The following PJA2 variants were observed in gnomAD, a reference collection of about 807,000 sequenced individuals.
PJA2 encodes praja ring finger ubiquitin ligase 2.
Under a neutral mutation model 69.3 loss-of-function variants are expected in PJA2, and 25 were observed. The ratio of observed to expected loss-of-function variants is 0.36; its 90% CI spans 0.26 to 0.50. The LOEUF (loss-of-function observed/expected upper bound fraction) is 0.50, where lower values mean the gene tolerates loss of function less well. Among genes scored for constraint, PJA2 ranks in the 20% least tolerant of loss-of-function variants. PJA2 has a pLI of 0.96. For synonymous variants in PJA2, 308 were observed against 277.8 expected (o/e 1.11, Z -1.08); for missense variants, 809 against 830.2 (o/e 0.97, Z 0.31).
rs6894806 is a variant in PJA2, at chr5:109,403,338, T to G, written c.-88+6504A>C. Among the ~76,000 whole-genome samples the G allele has an allele frequency of 7.0e-3, 1,058 of 152,192 alleles. 12 individuals are homozygous for G. The highest frequency in any genetic ancestry group is 0.024 in the African/African-American group (1,000 of 41,558). On this transcript the variant is annotated intron_variant, in intron 1 of 9. Transcript: ENST00000361189. The stretch of plus-strand genomic sequence containing the variant: ...GCTTTCAAGAAGAAATAGATAACCC[T>G]AATAATCCTGTATTTATTAAAGGAT...
intron 5 of PJA2, among the ~76,000 whole-genome samples, chr5:109,366,701 G>A (rs1417111676): frequency 1.3e-5 from 2 of 152,022 alleles, no homozygotes; most frequent in Non-Finnish European, 2.9e-5. Flanking sequence ...CTGATATAAC[G>A]CCAATATCCA....
intron 1 of PJA2, 85 bp from the exon 2 acceptor site, chr5:109,383,605 C>G (rs1025123069): frequency 3.9e-6 from 2 of 507,358 alleles, no homozygotes; most frequent in African/African-American, 3.9e-5. Flanking sequence ...CTAGTGAAGT[C>G]TTATAATAAA....
At chr5:109,401,948 A>C (rs916242004) in intron 1 of PJA2, among the ~76,000 whole-genome samples, 1 of 152,236 alleles carries the variant, frequency 6.6e-6, no homozygotes, top group African/African-American at 2.4e-5. Context: ...AAACAGTAAT[A>C]GCACAAAAGA....
intron 9 of PJA2, among the ~76,000 whole-genome samples, chr5:109,339,961 T>G (rs2126983361): frequency 6.6e-6 from 1 of 152,322 alleles, no homozygotes; most frequent in South Asian, 2.1e-4. Context: ...AGGAAAGCAG[T>G]ATTTTAAAAC....
At chr5:109,392,454 G>A (rs1561362875) in intron 1 of PJA2, among the ~76,000 whole-genome samples, 3 of 151,724 alleles carry the variant, frequency 2.0e-5, no homozygotes, top group Non-Finnish European at 4.4e-5. Context: ...CCAGCTACTC[G>A]GGAGGCTGAG....
At chr5:109,372,042 A>AT (rs1180000241) in intron 4 of PJA2, among the ~76,000 whole-genome samples, 1 of 152,138 alleles carries the variant, frequency 6.6e-6, no homozygotes, top group Non-Finnish European at 1.5e-5. Flanking sequence ...TTTTTTTAAC[A>AT]TTTTTTTAAA....
chr5:109,353,617 A>G (rs1762323210), intron 7 of PJA2, among the ~76,000 whole-genome samples: 1 of 144,662 alleles, frequency 6.9e-6, no homozygotes, highest in Non-Finnish European at 1.5e-5. Flanking sequence ...AGACATCTAT[A>G]TATTAGATAC....
At position 109,391,486 on chromosome 5, in the gene PJA2, C is replaced by CT. The variant is rs148079539; in HGVS notation, c.-87-7967dup. On this transcript the variant is annotated intron_variant, in intron 1 of 9. Coordinates refer to ENST00000361189, the MANE Select transcript of PJA2 (RefSeq NM_014819.5). ...GAGAATAGTATTCTACATTAGACACCTTTTTTTTTTCTTTTTTGGAGCACT... is the reference window on the plus strand; with the variant it reads ...GAGAATAGTATTCTACATTAGACACCTTTTTTTTTTTCTTTTTTGGAGCACT... 4.6e-4 allele frequency among the ~76,000 whole-genome samples: 69 copies of CT among 149,152 alleles called. No homozygotes were observed. The South Asian group carries it at 6.8e-3, about 15-fold the overall frequency.
chr5:109,401,586 G>T (rs1747551935), intron 1 of PJA2, among the ~76,000 whole-genome samples: 1 of 152,158 alleles, frequency 6.6e-6, no homozygotes, highest in South Asian at 2.1e-4. Flanking sequence ...CAAGTCAAAA[G>T]ATAATAAATA....
intron 1 of PJA2, among the ~76,000 whole-genome samples, chr5:109,405,993 T>C (rs1747681179): frequency 6.6e-6 from 1 of 151,764 alleles, no homozygotes; most frequent in African/African-American, 2.4e-5. Flanking sequence ...AAATGAGTTG[T>C]ATAAAGAATG....
intron 1 of PJA2, among the ~76,000 whole-genome samples, chr5:109,394,178 G>A (rs540089384): frequency 1.3e-5 from 2 of 150,848 alleles, no homozygotes; most frequent in Non-Finnish European, 2.9e-5. Context: ...CTCCCGAGTA[G>A]CTGGGATTAT....
intron 7 of PJA2, among the ~76,000 whole-genome samples, chr5:109,345,890 GATC>G (rs1762166467): frequency 6.6e-6 from 1 of 152,198 alleles, no homozygotes; most frequent in African/African-American, 2.4e-5. Context: ...CAGATCATGT[GATC>G]ATCTGGGATG....
At chr5:109,343,913 T>G (rs1481836831) in intron 9 of PJA2, among the ~76,000 whole-genome samples, 1 of 151,826 alleles carries the variant, frequency 6.6e-6, no homozygotes, top group Non-Finnish European at 1.5e-5. Flanking sequence ...CTGACCAACA[T>G]GGCGAAACTC....
At chr5:109,397,013 T>C (rs969296896) in intron 1 of PJA2, among the ~76,000 whole-genome samples, 6 of 152,222 alleles carry the variant, frequency 3.9e-5, no homozygotes, top group African/African-American at 1.4e-4. Context: ...GTGGGGTCTT[T>C]TGAAAAGTGA....
chr5:109,354,075 A>G (rs1350188739), intron 7 of PJA2, among the ~76,000 whole-genome samples: 1 of 125,800 alleles, frequency 7.9e-6, no homozygotes, highest in East Asian at 2.1e-4. Context: ...AGAGATATCT[A>G]TAGATTAGAT....
At chr5:109,397,991 G>A (rs182439552) in intron 1 of PJA2, among the ~76,000 whole-genome samples, 1 of 152,306 alleles carries the variant, frequency 6.6e-6, no homozygotes, top group African/African-American at 2.4e-5. Flanking sequence ...AGTGGGTGAA[G>A]GATAGGAACA....
At chr5:109,361,584 T>C (rs751838656) in intron 6 of PJA2, among the ~76,000 whole-genome samples, 2 of 152,144 alleles carry the variant, frequency 1.3e-5, no homozygotes, top group African/African-American at 4.8e-5. Flanking sequence ...TCTGAATTAA[T>C]AAGGAGTGCA....
intron 1 of PJA2, among the ~76,000 whole-genome samples, chr5:109,393,347 C>T (rs1233333617): frequency 6.6e-6 from 1 of 152,120 alleles, no homozygotes; most frequent in East Asian, 1.9e-4. Flanking sequence ...GGATGTTAAG[C>T]AACTGGATGT....
chr5:109,350,128 T>G (rs1435219138), intron 7 of PJA2, among the ~76,000 whole-genome samples: 2 of 152,206 alleles, frequency 1.3e-5, no homozygotes, highest in African/African-American at 2.4e-5. Context: ...CTAATGATTA[T>G]CTGCATATTT....
Sources: allele counts gnomAD v4.1 joint callset (sites outside exome capture counted in the v4.1 genomes callset), GRCh38; gene constraint gnomAD v4.1.1; transcripts MANE v1.5; gene names NCBI Gene and HGNC (gene_info 2026-07-23, HGNC 2026-07-21).